The following RBFOX1 variants were observed in gnomAD, a reference collection of about 807,000 sequenced individuals.
RBFOX1 encodes the protein RNA binding protein fox-1 homolog 1.
Under a neutral mutation model 57.7 loss-of-function variants are expected in RBFOX1, and 8 were observed. The observed-to-expected ratio is 0.14, with a 90% CI of 0.08 to 0.25. RBFOX1 has a LOEUF of 0.25. Ranked by LOEUF, RBFOX1 falls within the 10% of genes least tolerant of loss-of-function variation. The pLI, the probability that RBFOX1 is intolerant of heterozygous loss-of-function variation, is 1.00. For missense variants in RBFOX1, 611 were observed against 548.5 expected (o/e 1.11, Z -1.14); for synonymous variants, 326 against 222.4 (o/e 1.47, Z -4.15).
intron 4 of RBFOX1, among the ~76,000 whole-genome samples, chr16:7,328,033 G>T (rs1335518117): frequency 6.6e-6 from 1 of 152,084 alleles, no homozygotes. Flanking sequence ...AACTTTGAGA[G>T]GCTACCACTC....
intron 5 of RBFOX1, among the ~76,000 whole-genome samples, chr16:7,552,930 G>T (rs962797081): frequency 6.6e-6 from 1 of 151,948 alleles, no homozygotes; most frequent in Non-Finnish European, 1.5e-5. Context: ...TGATCTGCCC[G>T]CCTCGGACTC....
Position 6,627,204 on chromosome 16 carries a change from T to G in RBFOX1, c.-63-27399T>G, listed in dbSNP as rs72762954. On this transcript the variant is annotated intron_variant, in intron 2 of 15. Coordinates refer to ENST00000550418, the MANE Select transcript of RBFOX1 (RefSeq NM_018723.4). ...AGATCTTGGGATGGGCAGAGTAGTTTGGAGGATATTGGTCCAGCACAGGGG... is the reference window on the plus strand; with the variant it reads ...AGATCTTGGGATGGGCAGAGTAGTTGGGAGGATATTGGTCCAGCACAGGGG... Among the ~76,000 whole-genome samples, 967 of 152,270 alleles carry G rather than the reference T, an allele frequency of 6.4e-3. 10 individuals carry two copies. The highest frequency in any genetic ancestry group is 0.02 in the Middle Eastern group (6 of 294).
chr16:6,569,705 C>G (rs928676154), intron 2 of RBFOX1, among the ~76,000 whole-genome samples: 1 of 152,176 alleles, frequency 6.6e-6, no homozygotes, highest in Non-Finnish European at 1.5e-5. Context: ...ACAATAACAG[C>G]TTACCTACCA....
intron 3 of RBFOX1, among the ~76,000 whole-genome samples, chr16:7,007,268 A>G (rs924385610): frequency 6.6e-6 from 1 of 152,148 alleles, no homozygotes; most frequent in Non-Finnish European, 1.5e-5. Flanking sequence ...CCTTTTGTGA[A>G]GTGTGGACTC....
intron 5 of RBFOX1, among the ~76,000 whole-genome samples, chr16:7,566,403 AC>A (rs1228288129): frequency 6.6e-6 from 1 of 152,020 alleles, no homozygotes; most frequent in African/African-American, 2.4e-5. Context: ...CAGCTGCTCT[AC>A]GTGCCTGCTC....
chr16:6,959,437 A>G (rs1171977486), intron 3 of RBFOX1, among the ~76,000 whole-genome samples: 1 of 152,192 alleles, frequency 6.6e-6, no homozygotes, highest in African/African-American at 2.4e-5. Flanking sequence ...AGCAGGGATG[A>G]AGGCAGAAGT....
At chr16:6,964,000 G>A (rs553355419) in intron 3 of RBFOX1, among the ~76,000 whole-genome samples, 4 of 148,872 alleles carry the variant, frequency 2.7e-5, no homozygotes, top group South Asian at 4.3e-4. Flanking sequence ...GCCCAGCCCC[G>A]GATTTATTTA....
intron 3 of RBFOX1, among the ~76,000 whole-genome samples, chr16:6,997,352 A>C (rs1042493613): frequency 6.6e-6 from 1 of 152,200 alleles, no homozygotes; most frequent in East Asian, 1.9e-4. Flanking sequence ...AGCAAAACCA[A>C]TGACTTAAAG....
intron 1 of RBFOX1, among the ~76,000 whole-genome samples, chr16:6,134,426 T>C (rs891926005): frequency 1.3e-5 from 2 of 152,138 alleles, no homozygotes; most frequent in East Asian, 3.9e-4. Context: ...ACAAATAATC[T>C]TGTGTAAATG....
At chr16:6,091,131 C>A (rs1325346586) in intron 1 of RBFOX1, among the ~76,000 whole-genome samples, 1 of 152,194 alleles carries the variant, frequency 6.6e-6, no homozygotes, top group Non-Finnish European at 1.5e-5. Flanking sequence ...CCTTACTGTG[C>A]TGTGGAACAT....
intron 4 of RBFOX1, among the ~76,000 whole-genome samples, chr16:7,116,081 C>T (rs760305523): frequency 4.3e-4 from 65 of 152,176 alleles, no homozygotes; most frequent in Admixed American, 2.5e-3. Context: ...CAGTGGGTAC[C>T]GATCAGTACC....
chr16:6,214,878 GAGA>G (rs1252821921), intron 1 of RBFOX1, among the ~76,000 whole-genome samples: 1 of 119,142 alleles, frequency 8.4e-6, no homozygotes, highest in Admixed American at 8.1e-5. Flanking sequence ...AAGGCGAGGG[GAGA>G]AGGAGAGGGA....
rs1568240374 is a variant in RBFOX1 at position 7,330,510 on chromosome 16, T to TGTG, written c.28-187637_28-187636insGTG. 4.7e-3 allele frequency among the ~76,000 whole-genome samples: 269 copies of TGTG among 57,148 alleles called. 6 individuals are homozygous for TGTG. The highest frequency in any genetic ancestry group is 0.015 in the African/African-American group (231 of 15,396). The allele number at this position is 57,148 out of a possible 152,430, so 37.5% of individuals were successfully genotyped here. On this transcript the variant is annotated intron_variant, in intron 4 of 15. Transcript: ENST00000550418. ...TGTGTGTGTGTGTGTGTGTGTGTGTTTGTGTGTGTGTGTGTAGAGAGAGAG... is the reference window on the plus strand; with the variant it reads ...TGTGTGTGTGTGTGTGTGTGTGTGTTGTGTGTGTGTGTGTGTGTAGAGAGAGAG...
rs140803763 is a variant in RBFOX1, at chr16:6,276,365, C to T, written c.-126-40630C>T. ...GTCTTTTTTTTTGTTAAGACAGTCC[C>T]ATTCTGTTGCCCAAGCTGGAGTGCA... On this transcript the variant is annotated intron_variant, in intron 1 of 15. Coordinates refer to ENST00000550418, the MANE Select transcript of RBFOX1 (RefSeq NM_018723.4). Among the ~76,000 whole-genome samples the T allele has an allele frequency of 7.7e-3, 1,168 of 152,158 alleles. 20 individuals carry two copies. The highest frequency in any genetic ancestry group is 0.027 in the African/African-American group (1,123 of 41,498).
intron 3 of RBFOX1, among the ~76,000 whole-genome samples, chr16:6,689,147 AT>A (rs2154130810): frequency 6.6e-6 from 1 of 152,314 alleles, no homozygotes; most frequent in African/African-American, 2.4e-5. Context: ...CTATGGGTAT[AT>A]ACCCAGTAAT....
chr16:7,702,944 G>T (rs966592434), intron 14 of RBFOX1, among the ~76,000 whole-genome samples: 4 of 152,202 alleles, frequency 2.6e-5, no homozygotes, highest in East Asian at 1.9e-4. Context: ...CTGGGTGCAG[G>T]TTACCTTCTG....
chr16:6,651,388 C>T (rs567105737), intron 2 of RBFOX1, among the ~76,000 whole-genome samples: 3 of 152,314 alleles, frequency 2.0e-5, no homozygotes, highest in Middle Eastern at 6.8e-3. Flanking sequence ...ACTTCTCTCC[C>T]CTTCCCCTGC....
At chr16:6,477,300 C>A (rs1024753420) in intron 2 of RBFOX1, among the ~76,000 whole-genome samples, 1 of 152,146 alleles carries the variant, frequency 6.6e-6, no homozygotes, top group Non-Finnish European at 1.5e-5. Flanking sequence ...GCAGCTATAA[C>A]CTTATGAGAT....
chr16:6,602,310 G>A (rs951316058), intron 2 of RBFOX1, among the ~76,000 whole-genome samples: 2 of 152,084 alleles, frequency 1.3e-5, no homozygotes, highest in South Asian at 4.2e-4. Flanking sequence ...ATTTGCTAAA[G>A]TTTTTAATTC....
Sources: allele counts gnomAD v4.1 joint callset (sites outside exome capture counted in the v4.1 genomes callset), GRCh38; gene constraint gnomAD v4.1.1; transcripts MANE v1.5; gene names NCBI Gene and HGNC (gene_info 2026-07-23, HGNC 2026-07-21).